RFWD3: variants seen among roughly 807,000 people sequenced by gnomAD.
RFWD3 encodes E3 ubiquitin-protein ligase RFWD3.
In RFWD3, 65 loss-of-function variants were observed where a neutral mutation model predicts 87.7. That is an observed-to-expected ratio of 0.74 (90% CI 0.61 to 0.91). The LOEUF (loss-of-function observed/expected upper bound fraction) is 0.91. Ranked by LOEUF, RFWD3 falls within the 40% of genes least tolerant of loss-of-function variation. The pLI is 0.00. For synonymous variants in RFWD3, 433 were observed against 352.8 expected, an observed-to-expected ratio of 1.23 and a Z score of -2.55; for missense variants, 1,078 against 938.5, an observed-to-expected ratio of 1.15 and a Z score of -1.94.
chr16:74,654,032 T>G (rs1439080245), intron 2 of RFWD3, among the ~76,000 whole-genome samples: 1 of 152,230 alleles, frequency 6.6e-6, no homozygotes, highest in East Asian at 1.9e-4. Flanking sequence ...AGTGTTGTTT[T>G]TTTTTAGCAT....
intron 11 of RFWD3, among the ~76,000 whole-genome samples, chr16:74,627,258 G>A (rs1401470154): frequency 6.6e-6 from 1 of 152,206 alleles, no homozygotes; most frequent in East Asian, 1.9e-4. Context: ...TTACAAATGT[G>A]TTTAATACAG....
intron 6 of RFWD3, among the ~76,000 whole-genome samples, chr16:74,643,280 T>C (rs1445721917): frequency 6.6e-6 from 1 of 152,042 alleles, no homozygotes; most frequent in Non-Finnish European, 1.5e-5. Flanking sequence ...CGCACCAGCC[T>C]TACTTTTTTT....
chr16:74,630,812 G>C lies in RFWD3; in HGVS notation c.1723C>G (p.His575Asp). 1 of 1,612,200 alleles carries C rather than the reference G, an allele frequency of 6.2e-7. No individual in the cohort carries two copies. The highest frequency in any genetic ancestry group is 8.5e-7 in the Non-Finnish European group (1 of 1,179,268). The stretch of plus-strand genomic sequence containing the variant: ...TTCTGAGCTACTAACTCCTGCACAT[G>C]ACTGCTCGTGTTTCGCACGTCATAT... ...LVYDVRNTSSHVQELVAQKAR... is the reference protein window; with the variant it reads ...LVYDVRNTSSDVQELVAQKAR... The change falls in exon 10 of 13, where the codon CAT becomes GAT. Residue 575 changes from histidine to aspartate, a missense_variant. Coordinates refer to ENST00000361070, the MANE Select transcript of RFWD3 (RefSeq NM_018124.4).
chr16:74,626,947 G>A (rs998784047), intron 11 of RFWD3, among the ~76,000 whole-genome samples: 1 of 152,148 alleles, frequency 6.6e-6, no homozygotes, highest in Non-Finnish European at 1.5e-5. Flanking sequence ...CCCTGGGACT[G>A]CACATTTTTA....
intron 7 of RFWD3, 29 bp downstream of exon 7, chr16:74,637,827 G>C (rs1285347463): frequency 6.6e-7 from 1 of 1,514,846 alleles, no homozygotes. Flanking sequence ...TATTCCAAAA[G>C]TTCTTTGGAT....
intron 6 of RFWD3, among the ~76,000 whole-genome samples, chr16:74,642,630 T>C (rs1176390425): frequency 2.0e-5 from 3 of 152,078 alleles, no homozygotes; most frequent in Non-Finnish European, 4.4e-5. Flanking sequence ...TAGCTGAGAC[T>C]ACAGGTGTGT....
intron 7 of RFWD3, 107 bp downstream of exon 7, chr16:74,637,749 A>C (rs962745511): frequency 1.4e-5 from 11 of 791,562 alleles, no homozygotes; most frequent in Non-Finnish European, 2.1e-5. Flanking sequence ...TTCATTTCCT[A>C]AACAACTTGG....
At chr16:74,627,211 T>C (rs922745275) in intron 11 of RFWD3, among the ~76,000 whole-genome samples, 1 of 152,222 alleles carries the variant, frequency 6.6e-6, no homozygotes, top group African/African-American at 2.4e-5. Context: ...AGTGTGAGCA[T>C]TTAATGACTA....
At chr16:74,635,276 C>A (rs1959185243) in intron 8 of RFWD3, among the ~76,000 whole-genome samples, 1 of 150,594 alleles carries the variant, frequency 6.6e-6, no homozygotes, top group African/African-American at 2.4e-5. Context: ...GAGCGAGACT[C>A]CATCTCAAAA....
Position 74,644,351 on chromosome 16 carries a change from T to G in RFWD3, c.1079+11A>C. 1.2e-6 allele frequency: 2 copies of G among 1,613,602 alleles called. No homozygotes were observed. Among genetic ancestry groups the G allele is most frequent in the Non-Finnish European group, 1.7e-6 (2 of 1,179,784 alleles). ...GGGAACATTCCAGCCAGGCATACTCTTACCACCTACCTTTTCATGCGCTCC... is the reference window on the plus strand; with the variant it reads ...GGGAACATTCCAGCCAGGCATACTCGTACCACCTACCTTTTCATGCGCTCC... On this transcript the variant is annotated intron_variant, in intron 6 of 12. Transcript: ENST00000361070.
At chr16:74,658,195 C>T (rs544791210) in intron 2 of RFWD3, among the ~76,000 whole-genome samples, 5 of 152,250 alleles carry the variant, frequency 3.3e-5, no homozygotes, top group South Asian at 4.1e-4. Context: ...TCCTAGACTC[C>T]GTATGCTCCA....
intron 3 of RFWD3, among the ~76,000 whole-genome samples, chr16:74,650,906 A>C (rs1473379171): frequency 6.6e-6 from 1 of 152,050 alleles, no homozygotes; most frequent in Non-Finnish European, 1.5e-5. Flanking sequence ...AAAAACAACA[A>C]AAAAACCCAC....
At chr16:74,637,146 C>CAAAAAAAAAAAAAAA (rs1959223012) in intron 7 of RFWD3, among the ~76,000 whole-genome samples, 1 of 61,202 alleles carries the variant, frequency 1.6e-5, no homozygotes, top group Non-Finnish European at 3.3e-5. Context: ...AAAAAAAAAA[C>CAAAAAAAAAAAAAAA]AACTTAAAAG....
At chr16:74,656,096 C>T (rs191995381) in intron 2 of RFWD3, among the ~76,000 whole-genome samples, 1 of 152,044 alleles carries the variant, frequency 6.6e-6, no homozygotes, top group Admixed American at 6.6e-5. Flanking sequence ...GTGGCTCACA[C>T]CTGTAATCTC....
chr16:74,635,209 G>A (rs1007208636), intron 8 of RFWD3, among the ~76,000 whole-genome samples: 1 of 152,006 alleles, frequency 6.6e-6, no homozygotes, highest in Non-Finnish European at 1.5e-5. Context: ...CCCGAGAGGT[G>A]GAGCTTGCAG....
At chr16:74,663,837 C>T (rs1365645141) in intron 1 of RFWD3, among the ~76,000 whole-genome samples, 1 of 152,160 alleles carries the variant, frequency 6.6e-6, no homozygotes, top group African/African-American at 2.4e-5. Context: ...CAAGCTGATT[C>T]CCACTAAAGG....
chr16:74,629,968 G>A (rs905278768), intron 10 of RFWD3, among the ~76,000 whole-genome samples: 1 of 152,156 alleles, frequency 6.6e-6, no homozygotes, highest in Non-Finnish European at 1.5e-5. Flanking sequence ...CTCATAACTG[G>A]ATTAAATGAT....
chr16:74,657,019 T>C (rs962639019), intron 2 of RFWD3, among the ~76,000 whole-genome samples: 3 of 152,188 alleles, frequency 2.0e-5, no homozygotes, highest in African/African-American at 4.8e-5. Context: ...TCCCACTGAA[T>C]ATCCATTACC....
intron 2 of RFWD3, among the ~76,000 whole-genome samples, chr16:74,659,703 T>C (rs182822728): frequency 6.6e-6 from 1 of 152,098 alleles, no homozygotes; most frequent in African/African-American, 2.4e-5. Flanking sequence ...GCCACAGTCA[T>C]GGCAAGCCCC....
Sources: allele counts gnomAD v4.1 joint callset (sites outside exome capture counted in the v4.1 genomes callset), GRCh38; gene constraint gnomAD v4.1.1; transcripts MANE v1.5; gene names NCBI Gene and HGNC (gene_info 2026-07-23, HGNC 2026-07-21).